Variants in RSF1 observed in about 807,000 individuals in gnomAD.
The protein encoded by RSF1 is remodeling and spacing factor 1.
A neutral mutation model predicts 145.2 loss-of-function variants in RSF1; 13 were observed. The ratio of observed to expected loss-of-function variants is 0.09; its 90% CI spans 0.06 to 0.14. The LOEUF is 0.14. Among genes scored for constraint, RSF1 ranks in the 10% least tolerant of loss-of-function variants. RSF1 has a pLI of 1.00. For synonymous variants in RSF1, 577 were observed against 592.6 expected (o/e 0.97, Z 0.38); for missense variants, 1,517 against 1,718.2 (o/e 0.88, Z 2.07).
rs973484896 is a variant in RSF1, at chr11:77,808,682, C to T, written c.187+11846G>A. 2.2e-5 allele frequency among the ~76,000 whole-genome samples: 3 copies of T among 135,114 alleles called. 1 individual carries two copies. Among genetic ancestry groups the T allele is most frequent in the Non-Finnish European group, 4.6e-5 (3 of 65,198 alleles). 88.6% of individuals were successfully genotyped at this position (135,114 alleles called of 152,430 possible). ...CCGAGTAGCTGGGACTACAGGCGCC[C>T]GCCACTACGCCCGGCTAATTTTTTG... On this transcript the variant is annotated intron_variant, in intron 1 of 15. Transcript: ENST00000308488.
chr11:77,736,022 C>A (rs1248360205), intron 4 of RSF1, among the ~76,000 whole-genome samples: 2 of 152,228 alleles, frequency 1.3e-5, no homozygotes, highest in Non-Finnish European at 2.9e-5. Context: ...CAGGTGTGAG[C>A]CGCCGCACCC....
At chr11:77,768,319 C>T (rs188529590) in intron 1 of RSF1, among the ~76,000 whole-genome samples, 75 of 151,946 alleles carry the variant, frequency 4.9e-4, no homozygotes, top group African/African-American at 1.7e-3. Context: ...TGCGCCACCA[C>T]GCCTGGCTGA....
At chr11:77,735,927 C>T (rs924905526) in intron 4 of RSF1, among the ~76,000 whole-genome samples, 7 of 152,104 alleles carry the variant, frequency 4.6e-5, no homozygotes, top group African/African-American at 7.2e-5. Context: ...TTAGTAGAGA[C>T]GGAGTTTCAC....
chr11:77,722,962 C>T (rs1002680731), intron 5 of RSF1, among the ~76,000 whole-genome samples: 2 of 152,192 alleles, frequency 1.3e-5, no homozygotes, highest in African/African-American at 4.8e-5. Context: ...GAAATAATTG[C>T]CTCTTAAATT....
chr11:77,675,582 T>G (rs1959679867), intron 13 of RSF1, among the ~76,000 whole-genome samples: 1 of 152,212 alleles, frequency 6.6e-6, no homozygotes. Flanking sequence ...GCCTGGTATT[T>G]GGCACCATCA....
intron 2 of RSF1, among the ~76,000 whole-genome samples, chr11:77,757,578 C>G (rs937149819): frequency 1.3e-5 from 2 of 151,780 alleles, no homozygotes; most frequent in Non-Finnish European, 2.9e-5. Flanking sequence ...CTTGGGAGGC[C>G]AAGGCAGGAG....
At chr11:77,773,588 A>C (rs1319271464) in intron 1 of RSF1, among the ~76,000 whole-genome samples, 1 of 152,228 alleles carries the variant, frequency 6.6e-6, no homozygotes, top group Non-Finnish European at 1.5e-5. Context: ...AAATTAATTT[A>C]AAATTAAATT....
chr11:77,817,388 G>A (rs1948791773), intron 1 of RSF1, among the ~76,000 whole-genome samples: 1 of 152,098 alleles, frequency 6.6e-6, no homozygotes, highest in Admixed American at 6.5e-5. Context: ...TTTTACCACA[G>A]CAACCGCTAA....
chr11:77,856,973 G>A, the RSF1 span, among the ~76,000 whole-genome samples: 1 of 152,192 alleles, frequency 6.6e-6, no homozygotes, highest in South Asian at 2.1e-4. Context: ...GAGCATGTTA[G>A]AATCCTTCAT....
chr11:77,711,353 G>A (rs1246335017), intron 5 of RSF1, among the ~76,000 whole-genome samples: 1 of 152,068 alleles, frequency 6.6e-6, no homozygotes, highest in Non-Finnish European at 1.5e-5. Context: ...CATTACCAAT[G>A]TCATTAAAGA....
intron 4 of RSF1, among the ~76,000 whole-genome samples, chr11:77,727,069 T>C (rs956370155): frequency 2.0e-5 from 3 of 152,248 alleles, no homozygotes; most frequent in African/African-American, 7.2e-5. Flanking sequence ...TATGAGCATA[T>C]ATAATAACCA....
At position 77,672,205 on chromosome 11, in the gene RSF1, A is replaced by G. The variant is rs143133895; in HGVS notation, c.3588T>C (p.Ser1196=). ...TTCGCCGAGTTTCTACAAAATCATC[A>G]CTAAAATCATCACTGAAGTCACTTT... is the stretch of plus-strand genomic sequence containing the variant. ...DSESDFSDDF[S]DDFVETRRRR... Residue 1196 remains serine (S), a synonymous_variant, in exon 15 of 16, where the codon AGT becomes AGC. Transcript: ENST00000308488. 3.9e-5 allele frequency: 63 copies of G among 1,605,486 alleles called. No homozygotes were observed. In the African/African-American group the frequency reaches 7.9e-4, roughly 20 times the overall value.
At chr11:77,692,279 C>A (rs577448669) in intron 8 of RSF1, among the ~76,000 whole-genome samples, 40 of 57,998 alleles carry the variant, frequency 6.9e-4, no homozygotes, top group African/African-American at 1.9e-3. Flanking sequence ...GAGTCTCGCT[C>A]TGTTGCCCAG....
rs149812497 is a variant in RSF1 at position 77,770,763 on chromosome 11, A to C, written c.188-6074T>G. ...AATATCAGCATGGCTTGAGGTGGTGATAAGACCAGCAATCCAGAAAGAAGA... is the reference window on the plus strand; with the variant it reads ...AATATCAGCATGGCTTGAGGTGGTGCTAAGACCAGCAATCCAGAAAGAAGA... On this transcript the variant is annotated intron_variant, in intron 1 of 15. Transcript: ENST00000308488. Among the ~76,000 whole-genome samples, 755 of 152,330 alleles carry C rather than the reference A, an allele frequency of 5.0e-3. 9 individuals are homozygous for C. The highest frequency in any genetic ancestry group is 0.017 in the African/African-American group (710 of 41,572).
the RSF1 span, among the ~76,000 whole-genome samples, chr11:77,848,774 C>T: frequency 5.3e-5 from 8 of 151,902 alleles, no homozygotes; most frequent in South Asian, 2.1e-4. Context: ...AACTTGCTTT[C>T]CTGTTTCTTT....
At chr11:77,696,341 T>C (rs558569163) in intron 7 of RSF1, among the ~76,000 whole-genome samples, 5 of 152,348 alleles carry the variant, frequency 3.3e-5, no homozygotes, top group Non-Finnish European at 7.4e-5. Context: ...TAGAGTTCTA[T>C]ATTCATTTAT....
chr11:77,686,651 G>A (rs528904680), intron 9 of RSF1, among the ~76,000 whole-genome samples: 5 of 152,028 alleles, frequency 3.3e-5, no homozygotes, highest in South Asian at 2.1e-4. Context: ...GGTCTTTTTA[G>A]AGATAGGTTG....
At chr11:77,867,989 C>T in the RSF1 span, among the ~76,000 whole-genome samples, 63 of 151,848 alleles carry the variant, frequency 4.1e-4, no homozygotes, top group East Asian at 0.012. Context: ...TTTCCCACCT[C>T]ATCTGTCACT....
intron 1 of RSF1, among the ~76,000 whole-genome samples, chr11:77,790,404 GTA>G (rs1317333097): frequency 1.3e-5 from 2 of 151,986 alleles, no homozygotes; most frequent in African/African-American, 4.8e-5. Context: ...ACAACACATG[GTA>G]ATTCAAGATG....
Sources: allele counts gnomAD v4.1 joint callset (sites outside exome capture counted in the v4.1 genomes callset), GRCh38; gene constraint gnomAD v4.1.1; transcripts MANE v1.5; gene names NCBI Gene and HGNC (gene_info 2026-07-23, HGNC 2026-07-21).